The following RASGRF1 variants were observed in gnomAD, a reference collection of about 807,000 sequenced individuals.
RASGRF1 encodes Ras protein specific guanine nucleotide releasing factor 1.
Under a neutral mutation model 138.7 loss-of-function variants are expected in RASGRF1, and 40 were observed. That is an observed-to-expected ratio of 0.29 (90% confidence interval 0.22 to 0.38). RASGRF1 has a LOEUF of 0.38. Among genes scored for constraint, RASGRF1 ranks in the 10% least tolerant of loss-of-function variants. The pLI is 1.00. For synonymous variants in RASGRF1, 614 were observed against 663.2 expected (o/e 0.93, Z 1.14); for missense variants, 1,108 against 1,650.4 (o/e 0.67, Z 5.69).
intron 16 of RASGRF1, among the ~76,000 whole-genome samples, chr15:79,000,137 G>A (rs1366957518): frequency 2.6e-5 from 4 of 152,148 alleles, no homozygotes; most frequent in African/African-American, 9.7e-5. Flanking sequence ...TCCCAGGTTG[G>A]GGAGCACACT....
intron 26 of RASGRF1, among the ~76,000 whole-genome samples, chr15:78,970,505 C>CCTTTTAGGATCCCACCAGTT (rs2055731509): frequency 6.6e-6 from 1 of 151,270 alleles, no homozygotes; most frequent in East Asian, 2.0e-4. Flanking sequence ...AGTCCCTGAT[C>CCTTTTAGGATCCCACCAGTT]CCAGCTATGC....
At chr15:79,010,032 G>GTT (rs1002867378) in intron 13 of RASGRF1, among the ~76,000 whole-genome samples, 6 of 128,850 alleles carry the variant, frequency 4.7e-5, no homozygotes, top group Non-Finnish European at 3.3e-5. Flanking sequence ...CTCTTTGTTT[G>GTT]TTTTTTTTTT....
intron 11 of RASGRF1, 29 bp from the exon 12 acceptor site, chr15:79,017,935 G>C (rs1425993003): frequency 6.2e-7 from 1 of 1,610,372 alleles, no homozygotes; most frequent in African/African-American, 1.3e-5. Flanking sequence ...AAAGTTAGCA[G>C]CATGAATGTG....
At chr15:78,966,393 C>A (rs1244972235) in intron 26 of RASGRF1, among the ~76,000 whole-genome samples, 1 of 151,732 alleles carries the variant, frequency 6.6e-6, no homozygotes, top group Non-Finnish European at 1.5e-5. Flanking sequence ...TGAGCCACTA[C>A]GCCTGGCTAA....
At chr15:78,990,441 C>G (rs1311911618) in intron 21 of RASGRF1, among the ~76,000 whole-genome samples, 168 bp from the exon 22 acceptor site, 1 of 152,230 alleles carries the variant, frequency 6.6e-6, no homozygotes, top group Non-Finnish European at 1.5e-5. Context: ...AAGTCCAGCT[C>G]TGCCTTGTCG....
chr15:79,088,729 G>A (rs2058014542), intron 1 of RASGRF1, among the ~76,000 whole-genome samples: 1 of 152,210 alleles, frequency 6.6e-6, no homozygotes, highest in South Asian at 2.1e-4. Flanking sequence ...CTGGAGAGGG[G>A]CAAGTTCTGA....
intron 2 of RASGRF1, among the ~76,000 whole-genome samples, chr15:79,060,009 C>T (rs1424507752): frequency 1.0e-5 from 1 of 99,072 alleles, no homozygotes; most frequent in Non-Finnish European, 2.2e-5. Flanking sequence ...CACACACACA[C>T]ACACACACAC....
At chr15:78,972,947 C>T (rs1046283230) in intron 25 of RASGRF1, among the ~76,000 whole-genome samples, 2 of 152,168 alleles carry the variant, frequency 1.3e-5, no homozygotes, top group Admixed American at 6.5e-5. Context: ...CACCTGGACC[C>T]GGGCTCCAGA....
chr15:78,965,727 T>C (rs143898081), intron 26 of RASGRF1, among the ~76,000 whole-genome samples: 7,893 of 152,234 alleles, frequency 0.052, 693 homozygotes, highest in African/African-American at 0.18. Flanking sequence ...GGCAGGCACC[T>C]GTAATCACAG....
chr15:79,030,075 A>G (rs1351171864), intron 8 of RASGRF1, among the ~76,000 whole-genome samples: 2 of 151,980 alleles, frequency 1.3e-5, no homozygotes, highest in Admixed American at 1.3e-4. Context: ...CTCTGCAATC[A>G]CACCCTGATG....
intron 20 of RASGRF1, among the ~76,000 whole-genome samples, chr15:78,994,241 G>A (rs545470642): frequency 1.9e-4 from 29 of 152,358 alleles, no homozygotes; most frequent in Admixed American, 1.3e-3. Context: ...TCTGGGGACC[G>A]TCAACCTCCC....
At chr15:78,966,641 A>G (rs1174044640) in intron 26 of RASGRF1, among the ~76,000 whole-genome samples, 2 of 151,744 alleles carry the variant, frequency 1.3e-5, no homozygotes, top group African/African-American at 4.8e-5. Context: ...TATTTTGTGT[A>G]ATTAAAAAAG....
At chr15:79,078,655 T>G (rs1353842761) in intron 1 of RASGRF1, among the ~76,000 whole-genome samples, 12 of 152,028 alleles carry the variant, frequency 7.9e-5, no homozygotes, top group Non-Finnish European at 1.0e-4. Context: ...TCATGCAGGG[T>G]CAGGACCCCA....
intron 26 of RASGRF1, among the ~76,000 whole-genome samples, chr15:78,967,204 C>G (rs2055660879): frequency 6.6e-6 from 1 of 151,948 alleles, no homozygotes; most frequent in Non-Finnish European, 1.5e-5. Flanking sequence ...GATTGTGTCA[C>G]TGCATTTGAG....
intron 5 of RASGRF1, among the ~76,000 whole-genome samples, chr15:79,044,129 C>G (rs1243587721): frequency 6.6e-6 from 1 of 152,204 alleles, no homozygotes; most frequent in Non-Finnish European, 1.5e-5. Context: ...TCCACTCTCC[C>G]CAAGGAGTGC....
At chr15:79,080,787 T>G (rs779142411) in intron 1 of RASGRF1, among the ~76,000 whole-genome samples, 8 of 152,132 alleles carry the variant, frequency 5.3e-5, no homozygotes, top group Non-Finnish European at 1.2e-4. Flanking sequence ...GTCTTTAGAG[T>G]ATAAATGACC....
At chr15:79,038,658 T>C (rs2057255066) in intron 5 of RASGRF1, among the ~76,000 whole-genome samples, 2 of 152,228 alleles carry the variant, frequency 1.3e-5, no homozygotes, top group South Asian at 4.1e-4. Context: ...ATTAAGTGTA[T>C]AGTCTGACAT....
In RASGRF1 at chr15:78,962,016, A is replaced by G; in HGVS notation, c.*128T>C. 1.5e-6 allele frequency: 1 copy of G among 658,322 alleles called. No individual in the cohort carries two copies. Among genetic ancestry groups the G allele is most frequent in the Non-Finnish European group, 2.7e-6 (1 of 376,852 alleles). 40.8% of individuals were successfully genotyped at this position (658,322 alleles called of 1,614,324 possible). A position where few individuals can be genotyped will look rare whatever the true frequency, so the allele number is the denominator to read the frequency against. On this transcript the variant is annotated 3_prime_UTR_variant, in exon 27 of 27. Coordinates refer to ENST00000558480, the MANE Select transcript of RASGRF1 (RefSeq NM_001145648.3). ...TATTCCGGTTCTACAGGAATCTAAG[A>G]ACAAGGACGATTTGTATTCTTGGAG...
At chr15:78,995,945 C>T (rs2056383011) in intron 19 of RASGRF1, 145 bp from the exon 20 acceptor site, 3 of 744,874 alleles carry the variant, frequency 4.0e-6, no homozygotes, top group South Asian at 3.4e-5. Flanking sequence ...CCCCTTCCTC[C>T]TTCACTCTTC....
Sources: gnomAD v4.1 joint callset for allele counts (sites outside exome capture counted in the v4.1 genomes callset) on GRCh38, gnomAD v4.1.1 for gene constraint, MANE v1.5 for transcripts, NCBI Gene and HGNC (gene_info 2026-07-23, HGNC 2026-07-21) for gene names.